LYST: variants seen among roughly 807,000 people sequenced by gnomAD.
LYST encodes the protein lysosomal-trafficking regulator.
LYST carries 192 observed loss-of-function variants against 413.6 expected under a neutral mutation model. The ratio of observed to expected loss-of-function variants is 0.46; its 90% CI spans 0.41 to 0.52. The LOEUF (loss-of-function observed/expected upper bound fraction) is 0.52, where lower values mean the gene tolerates loss of function less well. Among genes scored for constraint, LYST ranks in the 20% least tolerant of loss-of-function variants. LYST has a pLI of 0.00. For synonymous variants in LYST, 1,525 were observed against 1,567.3 expected (o/e 0.97, Z 0.64); for missense variants, 3,815 against 4,499.9 (o/e 0.85, Z 4.35).
chr1:235,762,735 C>G lies in LYST; in HGVS notation c.6238G>C (p.Ala2080Pro), dbSNP rs776938745. The stretch of plus-strand genomic sequence containing the variant: ...CTATTTTTACCTTCATATGGTGAAG[C>G]AGTAAAACCAGATGGGCTTATTACC... ...FMVISPSGFT[A>P]SPYEGENSSN... is the part of the protein sequence containing the mutation. The change falls in exon 22 of 53, where the codon GCT (alanine) becomes CCT (proline). Residue 2080 changes from alanine (A) to proline (P), a missense_variant. Around this residue, in one of 4 missense-constraint regions of LYST, gnomAD observed 530 missense variants for 696.5 expected, o/e 0.76. Transcript: ENST00000389793. The G allele has an allele frequency of 3.3e-5, 53 of 1,613,240 alleles. No homozygotes were observed. The highest frequency in any genetic ancestry group is 4.4e-5 in the Non-Finnish European group (52 of 1,179,480).
At chr1:235,733,137 GAAT>G (rs1444650561) in intron 34 of LYST, among the ~76,000 whole-genome samples, 1 of 152,004 alleles carries the variant, frequency 6.6e-6, no homozygotes, top group Non-Finnish European at 1.5e-5. Flanking sequence ...TAAATTTAGA[GAAT>G]AATACCTTGA....
chr1:235,836,316 A>G (rs1676568742), intron 1 of LYST, among the ~76,000 whole-genome samples: 2 of 152,350 alleles, frequency 1.3e-5, no homozygotes, highest in Admixed American at 6.5e-5. Context: ...ACCATCATGT[A>G]TTATAGTGAG....
At chr1:235,705,736 T>C (rs1222264736) in intron 44 of LYST, among the ~76,000 whole-genome samples, 2 of 150,504 alleles carry the variant, frequency 1.3e-5, no homozygotes, top group Non-Finnish European at 2.9e-5. Context: ...AAAAGATGGT[T>C]CAGGATTATA....
chr1:235,879,763 G>T (rs1488691286), intron 1 of LYST, among the ~76,000 whole-genome samples: 1 of 149,698 alleles, frequency 6.7e-6, no homozygotes, highest in Non-Finnish European at 1.5e-5. Context: ...TTGAGACGGA[G>T]TCTCGCTCTG....
intron 1 of LYST, among the ~76,000 whole-genome samples, chr1:235,851,409 T>G (rs1572454506): frequency 9.8e-5 from 13 of 133,282 alleles, no homozygotes; most frequent in East Asian, 2.3e-4. Flanking sequence ...GGGGGAAGAG[T>G]GGGAGGGGGG....
intron 31 of LYST, chr1:235,735,227 G>A (rs181902010): frequency 1.3e-5 from 2 of 152,166 alleles, no homozygotes; most frequent in Admixed American, 1.3e-4. Flanking sequence ...TGAACTAGAA[G>A]GGAAAGCTTC....
In LYST at chr1:235,751,257, G is replaced by A. The variant is rs1487976185; in HGVS notation, c.7733C>T (p.Pro2578Leu). ...SENLTDSLQSPSAPHHAVVQK... is the reference protein window; with the variant it reads ...SENLTDSLQSLSAPHHAVVQK... ...AACTACTGCATGATGGGGAGCAGAA[G>A]GTGACTGGAGTGAATCTGTGAGGTT... The change falls in exon 28 of 53, where the codon CCT becomes CTT. Residue 2578 changes from proline to leucine, a missense_variant. By Grantham distance (98) the Pro-to-Leu change is moderately conservative (BLOSUM62 -3). Transcript: ENST00000389793. The A allele has an allele frequency of 6.2e-7, 1 of 1,613,784 alleles. No homozygotes were observed. The highest frequency in any genetic ancestry group is 8.5e-7 in the Non-Finnish European group (1 of 1,179,738).
chr1:235,856,220 T>C (rs541854349), intron 1 of LYST, among the ~76,000 whole-genome samples: 2 of 152,244 alleles, frequency 1.3e-5, no homozygotes, highest in African/African-American at 2.4e-5. Context: ...AATAAGGAAA[T>C]TACATATTGA....
At position 235,719,600 on chromosome 1, in the gene LYST, C is replaced by T. The variant is rs12078266; in HGVS notation, c.9560+1061G>A. On this transcript the variant is annotated intron_variant, in intron 40 of 52. Coordinates refer to ENST00000389793, the MANE Select transcript of LYST (RefSeq NM_000081.4). The stretch of plus-strand genomic sequence containing the variant: ...CTTCCTGATATGATACAATATAAAG[C>T]TCACTCCTCTCAACCATGCAGAATG... Among the ~76,000 whole-genome samples the T allele has an allele frequency of 7.1e-3, 1,050 of 147,684 alleles. 9 individuals are homozygous for T. Among genetic ancestry groups the T allele is most frequent in the African/African-American group, 0.025 (999 of 39,762 alleles).
At chr1:235,777,665 G>C (rs984938778) in intron 16 of LYST, among the ~76,000 whole-genome samples, 1 of 152,000 alleles carries the variant, frequency 6.6e-6, no homozygotes, top group African/African-American at 2.4e-5. Context: ...TAAAAATATT[G>C]GGAACTCTGG....
At chr1:235,829,915 G>T in intron 3 of LYST, 1 of 207,638 alleles carries the variant, frequency 4.8e-6, no homozygotes, top group Non-Finnish European at 9.7e-6. Flanking sequence ...ATAAGATACA[G>T]GGATATAAGA....
intron 31 of LYST, chr1:235,738,538 T>C (rs1404183394): frequency 6.2e-7 from 1 of 1,611,458 alleles, no homozygotes; most frequent in South Asian, 1.1e-5. Context: ...AGGCTGGGAG[T>C]TCACACATTA....
Position 235,781,025 on chromosome 1 carries a change from T to A in LYST, c.5054A>T (p.Tyr1685Phe), listed in dbSNP as rs1669814842. Reference protein sequence around the residue: ...GAKVGSQEAFYLYACGPNHTS... With the variant: ...GAKVGSQEAFFLYACGPNHTS... Reference sequence around the variant, plus strand: ...ATGGTTGGGTCCACAAGCATACAGATAAAAGGCCTCTTGTGAACCAACCTT... The same window carrying A: ...ATGGTTGGGTCCACAAGCATACAGAAAAAAGGCCTCTTGTGAACCAACCTT... Residue 1685 changes from tyrosine to phenylalanine, a missense_variant, in exon 16 of 53, where the codon TAT becomes TTT. Tyr to Phe is a conservative substitution (Grantham distance 22, BLOSUM62 3). Transcript: ENST00000389793. The A allele has an allele frequency of 6.2e-7, 1 of 1,612,224 alleles. No homozygotes were observed. The highest frequency in any genetic ancestry group is 1.7e-5 in the Admixed American group (1 of 59,926).
chr1:235,834,771 A>G (rs1178452362), intron 1 of LYST, among the ~76,000 whole-genome samples: 1 of 152,272 alleles, frequency 6.6e-6, no homozygotes, highest in Non-Finnish European at 1.5e-5. Context: ...AGCACAGGGT[A>G]TATTTCAGTC....
chr1:235,856,676 G>A (rs574014665), intron 1 of LYST, among the ~76,000 whole-genome samples: 64 of 152,156 alleles, frequency 4.2e-4, no homozygotes, highest in Non-Finnish European at 7.5e-4. Context: ...TCAGTAATGT[G>A]GAGCAAATGA....
intron 1 of LYST, among the ~76,000 whole-genome samples, chr1:235,862,962 G>A (rs1235778338): frequency 2.0e-5 from 3 of 152,118 alleles, no homozygotes; most frequent in African/African-American, 4.8e-5. Flanking sequence ...TGGCAAAGGT[G>A]AAGTAAGATC....
intron 1 of LYST, among the ~76,000 whole-genome samples, chr1:235,880,568 C>G (rs1436836424): frequency 6.6e-6 from 1 of 152,208 alleles, no homozygotes; most frequent in Non-Finnish European, 1.5e-5. Context: ...ATAACTGATA[C>G]TGCCTAGATG....
At chr1:235,872,803 C>A (rs1002130403) in intron 1 of LYST, among the ~76,000 whole-genome samples, 1 of 152,080 alleles carries the variant, frequency 6.6e-6, no homozygotes, top group Non-Finnish European at 1.5e-5. Context: ...GTAGTCCCAG[C>A]TACTCAGGAG....
intron 37 of LYST, 88 bp from the exon 38 acceptor site, chr1:235,728,219 G>A (rs1349986534): frequency 2.1e-6 from 2 of 936,478 alleles, no homozygotes; most frequent in African/African-American, 1.6e-5. Flanking sequence ...GAGTCCTTTG[G>A]TCTGAATTTG....
Sources: allele counts gnomAD v4.1 joint callset (sites outside exome capture counted in the v4.1 genomes callset), GRCh38; gene constraint gnomAD v4.1.1; regional missense constraint gnomAD v4.1.1; transcripts MANE v1.5; gene names NCBI Gene and HGNC (gene_info 2026-07-23, HGNC 2026-07-21).